TMEM94: variants seen among roughly 807,000 people sequenced by gnomAD.
TMEM94 encodes transmembrane protein 94.
In TMEM94, 81 loss-of-function variants were observed where a neutral mutation model predicts 158.6. The observed-to-expected ratio is 0.51, with a 90% CI of 0.43 to 0.61. The LOEUF (loss-of-function observed/expected upper bound fraction) is 0.61, where lower values mean the gene tolerates loss of function less well. Among genes scored for constraint, TMEM94 ranks in the 20% least tolerant of loss-of-function variants. The pLI, the probability that TMEM94 is intolerant of heterozygous loss-of-function variation, is 0.00. For missense variants in TMEM94, 1,435 were observed against 1,762.0 expected, an observed-to-expected ratio of 0.81 and a Z score of 3.32; for synonymous variants, 751 against 730.7, an observed-to-expected ratio of 1.03 and a Z score of -0.45.
Position 75,482,524 on chromosome 17 carries a change from A to ATG in TMEM94, c.25-2903_25-2902insGT, listed in dbSNP as rs2051250717. 5.5e-5 allele frequency among the ~76,000 whole-genome samples: 8 copies of ATG among 145,212 alleles called. No individual in the cohort carries two copies. The South Asian group carries it at 1.1e-3, about 20-fold the overall frequency. On this transcript the variant is annotated intron_variant, in intron 2 of 31. Coordinates refer to ENST00000314256, the MANE Select transcript of TMEM94 (RefSeq NM_014738.6). Reference sequence around the variant, plus strand: ...CCTGTCTCAATTTAAAAATATATATATATGTATGTATGTATGTATGTATGT... The same window carrying ATG: ...CCTGTCTCAATTTAAAAATATATATATGTATGTATGTATGTATGTATGTATGT...
chr17:75,470,316 TA>T (rs1385159223), intron 1 of TMEM94, among the ~76,000 whole-genome samples: 1 of 148,500 alleles, frequency 6.7e-6, no homozygotes, highest in Non-Finnish European at 1.5e-5. Flanking sequence ...CACACAAAAT[TA>T]AAAAAAATAA....
chr17:75,463,059 T>A (rs1207907588), intron 1 of TMEM94, among the ~76,000 whole-genome samples: 2 of 15,496 alleles, frequency 1.3e-4, no homozygotes, highest in Non-Finnish European at 2.0e-4. Flanking sequence ...TATATATATA[T>A]ATATATATAT....
chr17:75,482,450 G>T (rs2051238599), intron 2 of TMEM94, among the ~76,000 whole-genome samples: 1 of 152,012 alleles, frequency 6.6e-6, no homozygotes, highest in Admixed American at 6.6e-5. Context: ...GTAAGCTGCA[G>T]CGAACCATGC....
At chr17:75,490,412 C>T (rs2052060525) in intron 10 of TMEM94, 62 bp downstream of exon 10, 1 of 1,564,448 alleles carries the variant, frequency 6.4e-7, no homozygotes, top group African/African-American at 1.4e-5. Context: ...CTGGCTGTGC[C>T]AGAGGACGGG....
chr17:75,489,801 C>T lies in TMEM94; in HGVS notation c.954+139C>T. The T allele has an allele frequency of 1.3e-6, 1 of 755,568 alleles. No homozygotes were observed. Among genetic ancestry groups the T allele is most frequent in the African/African-American group, 1.7e-5 (1 of 58,078 alleles). The allele number at this position is 755,568 out of a possible 1,614,324, so 46.8% of individuals were successfully genotyped here. A position where few individuals can be genotyped will look rare whatever the true frequency, so the allele number is the denominator to read the frequency against. On this transcript the variant is annotated intron_variant, in intron 9 of 31. Coordinates refer to ENST00000314256, the MANE Select transcript of TMEM94 (RefSeq NM_014738.6). This position sits in a 1 kb window ranked among gnomAD's most constrained non-coding sequence, Gnocchi z 5.0. ...TCAGCTTAAGAACACCTCTTTCCAG[C>T]TGGGCGTGGGGACTCAGGCCTGTAA...
At chr17:75,457,024 A>C (rs2049914500) in intron 1 of TMEM94, among the ~76,000 whole-genome samples, 1 of 152,152 alleles carries the variant, frequency 6.6e-6, no homozygotes, top group South Asian at 2.1e-4. Flanking sequence ...CCTCTCGCCA[A>C]CAAAGAATCC....
chr17:75,471,375 C>T (rs993074934), intron 1 of TMEM94, among the ~76,000 whole-genome samples: 1 of 152,102 alleles, frequency 6.6e-6, no homozygotes, highest in African/African-American at 2.4e-5. Context: ...AGCTGACTGC[C>T]TGGGGGAAGC....
chr17:75,499,416 T>C lies in TMEM94; in HGVS notation c.*82T>C, dbSNP rs1457224930. On this transcript the variant is annotated 3_prime_UTR_variant, in exon 32 of 32. Transcript: ENST00000314256. The stretch of plus-strand genomic sequence containing the variant: ...TTTCTGAACAGGGGAGTTTGTATCA[T>C]GAATGTTTCCAGGTTTGCTCCTGCA... 4.4e-6 allele frequency: 6 copies of C among 1,368,444 alleles called. No individual in the cohort carries two copies. Among genetic ancestry groups the C allele is most frequent in the Non-Finnish European group, 6.2e-6 (6 of 964,802 alleles). The allele number at this position is 1,368,444 out of a possible 1,614,324, so 84.8% of individuals were successfully genotyped here.
chr17:75,480,072 A>T (rs898633381), intron 2 of TMEM94, among the ~76,000 whole-genome samples: 1 of 151,726 alleles, frequency 6.6e-6, no homozygotes, highest in Non-Finnish European at 1.5e-5. Flanking sequence ...CCTGGGCAAC[A>T]GAGCAAGACC....
intron 1 of TMEM94, among the ~76,000 whole-genome samples, chr17:75,461,343 G>T (rs969566955): frequency 2.0e-5 from 3 of 151,612 alleles, no homozygotes; most frequent in Non-Finnish European, 4.4e-5. Flanking sequence ...CAGATGATCC[G>T]CCTGCTTCGG....
rs891464697 is a variant in TMEM94 at position 75,487,316 on chromosome 17, C to T, written c.410-616C>T. 1 of 153,098 alleles carries T rather than the reference C, an allele frequency of 6.5e-6. No individual in the cohort carries two copies. The highest frequency in any genetic ancestry group is 1.5e-5 in the Non-Finnish European group (1 of 68,616). The allele number at this position is 153,098 out of a possible 1,614,324, so 9.5% of individuals were successfully genotyped here. On this transcript the variant is annotated intron_variant, in intron 5 of 31. Transcript: ENST00000314256. The surrounding 1 kb of genome is among the most constrained non-coding windows in gnomAD (Gnocchi z 4.6). ...TCCTCATTCTGATGCTGAAACTACT[C>T]ACCAGTCCTAGGCCCACTGTGTATC...
intron 1 of TMEM94, 28 bp from the exon 2 acceptor site, chr17:75,471,772 G>A: frequency 1.2e-6 from 1 of 867,664 alleles, no homozygotes; most frequent in Non-Finnish European, 1.9e-6. Flanking sequence ...CCAGCAACCT[G>A]AGTGATTTCT....
At chr17:75,463,132 A>C (rs1424232280) in intron 1 of TMEM94, among the ~76,000 whole-genome samples, 1 of 77,782 alleles carries the variant, frequency 1.3e-5, no homozygotes, top group African/African-American at 8.3e-5. Context: ...ATATACGTGT[A>C]TATATGTATA....
chr17:75,460,544 T>C (rs1360761618), intron 1 of TMEM94, among the ~76,000 whole-genome samples: 1 of 148,578 alleles, frequency 6.7e-6, no homozygotes, highest in Non-Finnish European at 1.5e-5. Flanking sequence ...AGACAGAACT[T>C]GCTCTGTAGC....
chr17:75,460,119 G>GT (rs1187239304), intron 1 of TMEM94, among the ~76,000 whole-genome samples: 1 of 152,132 alleles, frequency 6.6e-6, no homozygotes, highest in Admixed American at 6.6e-5. Flanking sequence ...GATGGCCTGC[G>GT]TAAGGAGGAG....
intron 2 of TMEM94, among the ~76,000 whole-genome samples, chr17:75,479,848 G>T (rs899938254): frequency 1.3e-5 from 2 of 152,192 alleles, no homozygotes; most frequent in African/African-American, 4.8e-5. Flanking sequence ...AGCCTGGGAA[G>T]TCAAGGCTGC....
intron 1 of TMEM94, among the ~76,000 whole-genome samples, chr17:75,464,241 AT>A (rs1248196824): frequency 6.6e-6 from 1 of 152,088 alleles, no homozygotes; most frequent in East Asian, 1.9e-4. Flanking sequence ...TCTTCTGCCT[AT>A]AATTTCTTTC....
In TMEM94 at chr17:75,492,003, C is replaced by A; in HGVS notation, c.1596+103C>A. The stretch of plus-strand genomic sequence containing the variant: ...ACAAGGTCTGAAAGAGCAGGCGTCT[C>A]TGCCCTCTGTCCCAGCACCTCCAGG... On this transcript the variant is annotated intron_variant, in intron 14 of 31. Transcript: ENST00000314256. This position sits in a 1 kb window ranked among gnomAD's most constrained non-coding sequence, Gnocchi z 4.4. 1 of 1,198,942 alleles carries A rather than the reference C, an allele frequency of 8.3e-7. No individual in the cohort carries two copies. Among genetic ancestry groups the A allele is most frequent in the Non-Finnish European group, 1.2e-6 (1 of 844,452 alleles). The allele number at this position is 1,198,942 out of a possible 1,614,324, so 74.3% of individuals were successfully genotyped here.
intron 18 of TMEM94, 87 bp downstream of exon 18, chr17:75,494,003 C>A: frequency 7.8e-7 from 1 of 1,288,066 alleles, no homozygotes; most frequent in Non-Finnish European, 1.1e-6. Flanking sequence ...TCTGGAGGGC[C>A]CCGGCACCCC....
Sources: gnomAD v4.1 joint callset for allele counts (sites outside exome capture counted in the v4.1 genomes callset) on GRCh38, gnomAD v4.1.1 for gene constraint, Gnocchi (gnomAD v3.1) non-coding constraint, MANE v1.5 for transcripts, NCBI Gene and HGNC (gene_info 2026-07-23, HGNC 2026-07-21) for gene names.